The following KAT6B variants were observed in gnomAD, a reference collection of about 807,000 sequenced individuals.
KAT6B encodes the protein lysine acetyltransferase 6B.
Under a neutral mutation model 187.5 loss-of-function variants are expected in KAT6B, and 10 were observed. The observed-to-expected ratio is 0.05, with a 90% confidence interval of 0.03 to 0.09. The LOEUF is 0.09. Among genes scored for constraint, KAT6B ranks in the 10% least tolerant of loss-of-function variants. The pLI, the probability that KAT6B is intolerant of heterozygous loss-of-function variation, is 1.00. For missense variants in KAT6B, 1,952 were observed against 2,558.9 expected, an observed-to-expected ratio of 0.76 and a Z score of 5.12; for synonymous variants, 861 against 926.8, an observed-to-expected ratio of 0.93 and a Z score of 1.29.
intron 3 of KAT6B, among the ~76,000 whole-genome samples, chr10:74,870,300 A>G (rs1315254185): frequency 1.3e-5 from 2 of 152,144 alleles, no homozygotes; most frequent in African/African-American, 4.8e-5. Context: ...CTCAAAAGAC[A>G]AAAAACCCCA....
At chr10:74,937,336 G>A (rs1849342029) in intron 3 of KAT6B, among the ~76,000 whole-genome samples, 1 of 152,128 alleles carries the variant, frequency 6.6e-6, no homozygotes, top group Non-Finnish European at 1.5e-5. Context: ...ATAAAGCCAA[G>A]AGGTTTAAAA....
Position 74,940,298 on chromosome 10 carries a change from CAG to C in KAT6B, c.622-19669_622-19668del, listed in dbSNP as rs1225107418. 2.1e-5 allele frequency among the ~76,000 whole-genome samples: 3 copies of C among 144,580 alleles called. No individual in the cohort carries two copies. The East Asian group carries it at 6.0e-4, about 29-fold the overall frequency. The allele number at this position is 144,580 out of a possible 152,430, so 94.9% of individuals were successfully genotyped here. A position where few individuals can be genotyped will look rare whatever the true frequency, so the allele number is the denominator to read the frequency against. On this transcript the variant is annotated intron_variant, in intron 3 of 17. Coordinates refer to ENST00000287239, the MANE Select transcript of KAT6B (RefSeq NM_012330.4). ...TTCCCCTTTTTTTTTTTTTTTGAGA[CAG>C]AGTCTCGCTCTGTTGCCCAGGCTGG... is the stretch of plus-strand genomic sequence containing the variant.
At chr10:75,003,577 T>C (rs1397894375) in intron 13 of KAT6B, among the ~76,000 whole-genome samples, 35 of 152,230 alleles carry the variant, frequency 2.3e-4, no homozygotes, top group Non-Finnish European at 2.4e-4. Context: ...TTTTGACCTA[T>C]GTAATCAAGT....
Position 75,031,115 on chromosome 10 carries a change from G to A in KAT6B, c.*69G>A, listed in dbSNP as rs1846293586. ...ATTGATCTGCACAAATACCTTTGAA[G>A]AGTACGATTTCAAAACCAGCAATTG... On this transcript the variant is annotated 3_prime_UTR_variant, in exon 18 of 18. Coordinates refer to ENST00000287239, the MANE Select transcript of KAT6B (RefSeq NM_012330.4). 2 of 1,561,974 alleles carry A rather than the reference G, an allele frequency of 1.3e-6. No homozygotes were observed. The highest frequency in any genetic ancestry group is 1.4e-5 in the African/African-American group (1 of 73,578).
chr10:74,959,775 C>T (rs141355447), intron 3 of KAT6B, among the ~76,000 whole-genome samples, 195 bp from the exon 4 acceptor site: 185 of 152,292 alleles, frequency 1.2e-3, no homozygotes, highest in Middle Eastern at 6.8e-3. Flanking sequence ...GGCGACAGAG[C>T]GAGACTTCGT....
intron 3 of KAT6B, among the ~76,000 whole-genome samples, chr10:74,954,104 C>A (rs1020061886): frequency 1.3e-5 from 2 of 152,070 alleles, no homozygotes; most frequent in African/African-American, 4.8e-5. Context: ...GTCCCAGATC[C>A]CCAAATTGTG....
At chr10:74,903,411 A>G (rs1257099024) in intron 3 of KAT6B, among the ~76,000 whole-genome samples, 1 of 152,184 alleles carries the variant, frequency 6.6e-6, no homozygotes, top group Non-Finnish European at 1.5e-5. Context: ...GGGAAGAAAG[A>G]GTGATCTGAA....
intron 3 of KAT6B, among the ~76,000 whole-genome samples, chr10:74,939,626 T>C (rs1849521596): frequency 2.0e-5 from 3 of 152,124 alleles, no homozygotes; most frequent in African/African-American, 4.8e-5. Context: ...GTCTCAAACT[T>C]CTGACCTTGT....
At chr10:74,897,819 TAGGAATCTATAAAC>T (rs1846094421) in intron 3 of KAT6B, among the ~76,000 whole-genome samples, 2 of 152,196 alleles carry the variant, frequency 1.3e-5, no homozygotes, top group Admixed American at 1.3e-4. Flanking sequence ...AAATGAACAC[TAGGAATCTATAAAC>T]AGGAATCTAT....
At chr10:74,871,901 A>G (rs921344504) in intron 3 of KAT6B, among the ~76,000 whole-genome samples, 9 of 152,144 alleles carry the variant, frequency 5.9e-5, no homozygotes, top group South Asian at 4.1e-4. Context: ...CTAGACCTCA[A>G]TTTCCTCATA....
chr10:75,019,386 G>A (rs138322251), intron 13 of KAT6B, among the ~76,000 whole-genome samples: 16 of 152,088 alleles, frequency 1.1e-4, no homozygotes, highest in African/African-American at 3.4e-4. Context: ...CTGCATTACT[G>A]TATTTGCAGT....
At chr10:74,975,346 C>G in intron 7 of KAT6B, 53 bp from the exon 8 acceptor site, 1 of 1,510,004 alleles carries the variant, frequency 6.6e-7, no homozygotes, top group Non-Finnish European at 9.1e-7. Context: ...TTTTAGATAC[C>G]TTTATAATTC....
chr10:75,020,960 TG>T, intron 14 of KAT6B, 147 bp downstream of exon 14: 1 of 987,232 alleles, frequency 1.0e-6, no homozygotes, highest in Non-Finnish European at 1.6e-6. Flanking sequence ...ACACATGAAA[TG>T]ACACTTTTTT....
intron 3 of KAT6B, among the ~76,000 whole-genome samples, chr10:74,868,160 T>C (rs1843679686): frequency 6.6e-6 from 1 of 152,240 alleles, no homozygotes; most frequent in African/African-American, 2.4e-5. Flanking sequence ...TTATCATGCA[T>C]GCTTAATAAC....
intron 3 of KAT6B, among the ~76,000 whole-genome samples, chr10:74,863,898 C>T (rs186140118): frequency 6.6e-4 from 101 of 152,298 alleles, no homozygotes; most frequent in African/African-American, 2.3e-3. Flanking sequence ...TATCTGTTGA[C>T]TTCTTGCGAG....
At chr10:75,019,380 A>G (rs1845215072) in intron 13 of KAT6B, among the ~76,000 whole-genome samples, 2 of 152,202 alleles carry the variant, frequency 1.3e-5, no homozygotes, top group Admixed American at 6.5e-5. Flanking sequence ...GTATTTCTGC[A>G]TTACTGTATT....
At chr10:74,982,240 A>G (rs1842557539) in intron 11 of KAT6B, 1 of 341,722 alleles carries the variant, frequency 2.9e-6, no homozygotes, top group Non-Finnish European at 5.6e-6. Flanking sequence ...TTTCTTTGGC[A>G]GGAGAAATGA....
chr10:74,993,522 T>A (rs1319231771), intron 13 of KAT6B, among the ~76,000 whole-genome samples: 3 of 152,202 alleles, frequency 2.0e-5, no homozygotes, highest in African/African-American at 7.2e-5. Context: ...ATAGCCACAA[T>A]ACAAATTATT....
At chr10:74,922,040 ACTC>A (rs1271492894) in intron 3 of KAT6B, among the ~76,000 whole-genome samples, 1 of 151,958 alleles carries the variant, frequency 6.6e-6, no homozygotes, top group Non-Finnish European at 1.5e-5. Context: ...AGAAAAGACA[ACTC>A]CTACTGATAG....
Sources: allele counts gnomAD v4.1 joint callset (sites outside exome capture counted in the v4.1 genomes callset), GRCh38; gene constraint gnomAD v4.1.1; transcripts MANE v1.5; gene names NCBI Gene and HGNC (gene_info 2026-07-23, HGNC 2026-07-21).